The following EYA4 variants were observed in gnomAD, a reference collection of about 807,000 sequenced individuals.
The protein encoded by EYA4 is EYA transcriptional coactivator and phosphatase 4, also known as protein phosphatase EYA4.
Under a neutral mutation model 87.9 loss-of-function variants are expected in EYA4, and 31 were observed. The observed-to-expected ratio is 0.35, with a 90% CI of 0.27 to 0.48. The LOEUF is 0.48. EYA4 is among the 20% of genes least tolerant of loss of function. The pLI, the probability that EYA4 is intolerant of heterozygous loss-of-function variation, is 0.99. For synonymous variants in EYA4, 263 were observed against 270.6 expected (o/e 0.97, Z 0.28); for missense variants, 678 against 761.4 (o/e 0.89, Z 1.29).
intron 3 of EYA4, among the ~76,000 whole-genome samples, chr6:133,415,029 A>C (rs1001891441): frequency 6.6e-6 from 1 of 152,114 alleles, no homozygotes; most frequent in African/African-American, 2.4e-5. Flanking sequence ...GGTAAATCTT[A>C]TTGTCCTGTT....
chr6:133,459,077 C>G (rs1225190494), intron 6 of EYA4, among the ~76,000 whole-genome samples: 1 of 152,162 alleles, frequency 6.6e-6, no homozygotes, highest in Non-Finnish European at 1.5e-5. Flanking sequence ...AAAATTTCCA[C>G]TCACTTTAAT....
chr6:133,285,579 T>G (rs1777991469), intron 2 of EYA4, among the ~76,000 whole-genome samples: 1 of 152,222 alleles, frequency 6.6e-6, no homozygotes, highest in South Asian at 2.1e-4. Flanking sequence ...TAGTGACATG[T>G]AAAGCAATTG....
At chr6:133,446,465 A>G (rs192264395) in intron 3 of EYA4, among the ~76,000 whole-genome samples, 165 bp from the exon 4 acceptor site, 12 of 152,190 alleles carry the variant, frequency 7.9e-5, no homozygotes, top group Admixed American at 5.2e-4. Flanking sequence ...ATTTGTTTGT[A>G]TGTTTGTTTC....
At chr6:133,256,069 T>C (rs1014428723) in intron 1 of EYA4, among the ~76,000 whole-genome samples, 1 of 151,906 alleles carries the variant, frequency 6.6e-6, no homozygotes, top group Non-Finnish European at 1.5e-5. Context: ...TTCAACTTAA[T>C]TGAACCTTGT....
At chr6:133,334,325 G>C (rs1245308175) in intron 2 of EYA4, among the ~76,000 whole-genome samples, 1 of 152,246 alleles carries the variant, frequency 6.6e-6, no homozygotes, top group African/African-American at 2.4e-5. Flanking sequence ...TCTTGTGCCT[G>C]AGAGAAGAGA....
intron 9 of EYA4, among the ~76,000 whole-genome samples, chr6:133,463,848 T>A (rs1319383180): frequency 1.3e-5 from 2 of 152,206 alleles, no homozygotes; most frequent in African/African-American, 2.4e-5. Flanking sequence ...CTTAGATATG[T>A]TCAGCTGGAA....
At chr6:133,427,657 T>C (rs1267658825) in intron 3 of EYA4, among the ~76,000 whole-genome samples, 1 of 152,200 alleles carries the variant, frequency 6.6e-6, no homozygotes, top group East Asian at 1.9e-4. Flanking sequence ...ATGGAAGCCA[T>C]TGGAGAACCA....
At chr6:133,352,671 A>T (rs1347341722) in intron 2 of EYA4, among the ~76,000 whole-genome samples, 2 of 152,182 alleles carry the variant, frequency 1.3e-5, no homozygotes, top group Non-Finnish European at 2.9e-5. Flanking sequence ...ATTAAAAAGA[A>T]AATAATTGGA....
chr6:133,303,475 T>A (rs1444271246), intron 2 of EYA4, among the ~76,000 whole-genome samples: 1 of 152,194 alleles, frequency 6.6e-6, no homozygotes, highest in Non-Finnish European at 1.5e-5. Context: ...GGTATGAACC[T>A]GGAGAGACCA....
intron 2 of EYA4, among the ~76,000 whole-genome samples, chr6:133,346,572 TTAA>T (rs1783213484): frequency 6.6e-6 from 1 of 152,216 alleles, no homozygotes; most frequent in African/African-American, 2.4e-5. Flanking sequence ...GTGCAGTTCC[TTAA>T]TTACTACTAT....
chr6:133,353,127 T>C (rs1395935826), intron 2 of EYA4, among the ~76,000 whole-genome samples: 1 of 152,148 alleles, frequency 6.6e-6, no homozygotes, highest in East Asian at 1.9e-4. Flanking sequence ...CTGAGAATGT[T>C]TATTCTCCCA....
At chr6:133,328,847 A>G (rs1390176355) in intron 2 of EYA4, among the ~76,000 whole-genome samples, 1 of 152,106 alleles carries the variant, frequency 6.6e-6, no homozygotes, top group East Asian at 1.9e-4. Flanking sequence ...TTATGGGTAA[A>G]TGTCTGGCTT....
chr6:133,525,276 C>A, intron 19 of EYA4, 22 bp downstream of exon 19: 1 of 1,577,348 alleles, frequency 6.3e-7, no homozygotes, highest in South Asian at 1.1e-5. Flanking sequence ...CAAACAATGT[C>A]GGTGTGATAC....
At chr6:133,325,484 G>T (rs1425645154) in intron 2 of EYA4, 1 of 152,096 alleles carries the variant, frequency 6.6e-6, no homozygotes, top group Non-Finnish European at 1.5e-5. Flanking sequence ...TCATCTTATT[G>T]GTGTAAACCA....
At chr6:133,372,541 A>G (rs1047101856) in intron 2 of EYA4, among the ~76,000 whole-genome samples, 2 of 151,880 alleles carry the variant, frequency 1.3e-5, no homozygotes, top group Non-Finnish European at 2.9e-5. Flanking sequence ...TGTTGTGGAA[A>G]ATATCAGATT....
intron 2 of EYA4, among the ~76,000 whole-genome samples, chr6:133,349,143 T>C (rs989262603): frequency 1.3e-5 from 2 of 152,214 alleles, no homozygotes; most frequent in African/African-American, 4.8e-5. Context: ...CTTAAGTGTT[T>C]GTATAACTCA....
intron 3 of EYA4, among the ~76,000 whole-genome samples, chr6:133,410,164 A>G (rs1345923201): frequency 2.6e-5 from 4 of 152,182 alleles, no homozygotes; most frequent in Non-Finnish European, 5.9e-5. Context: ...AAGTGTTCTT[A>G]GTATCTATTG....
At chr6:133,421,094 CTG>C (rs1486205164) in intron 3 of EYA4, among the ~76,000 whole-genome samples, 1 of 152,186 alleles carries the variant, frequency 6.6e-6, no homozygotes, top group Admixed American at 6.5e-5. Context: ...TCCTCTTAGA[CTG>C]TGCCTCAAGT....
intron 2 of EYA4, among the ~76,000 whole-genome samples, chr6:133,281,526 T>C (rs1487466132): frequency 1.2e-4 from 18 of 152,242 alleles, no homozygotes; most frequent in Admixed American, 8.5e-4. Flanking sequence ...TGATTTCTTA[T>C]ATGAATTTTA....
Sources: gnomAD v4.1 joint callset for allele counts (sites outside exome capture counted in the v4.1 genomes callset) on GRCh38, gnomAD v4.1.1 for gene constraint, MANE v1.5 for transcripts, NCBI Gene and HGNC (gene_info 2026-07-23, HGNC 2026-07-21) for gene names.